The following XIRP2 variants were observed in gnomAD, a reference collection of about 807,000 sequenced individuals.
XIRP2 encodes the protein xin actin-binding repeat-containing protein 2.
A neutral mutation model predicts 277.0 loss-of-function variants in XIRP2; 236 were observed. The ratio of observed to expected loss-of-function variants is 0.85; its 90% CI spans 0.77 to 0.95. The LOEUF (loss-of-function observed/expected upper bound fraction) is 0.95, where lower values mean the gene tolerates loss of function less well. Among genes scored for constraint, XIRP2 ranks in the 40% least tolerant of loss-of-function variants. The probability of loss-of-function intolerance (pLI) is 0.00; values close to 1 mark genes in which losing one functional copy is unlikely to be tolerated. For synonymous variants in XIRP2, 1,490 were observed against 1,416.5 expected, an observed-to-expected ratio of 1.05 and a Z score of -1.17; for missense variants, 4,640 against 4,157.5, an observed-to-expected ratio of 1.12 and a Z score of -3.19.
chr2:167,040,169 G>A (rs1688624589), intron 2 of XIRP2, among the ~76,000 whole-genome samples: 1 of 151,550 alleles, frequency 6.6e-6, no homozygotes. Context: ...GAATATTTGA[G>A]GGAGCCAAGA....
intron 2 of XIRP2, among the ~76,000 whole-genome samples, chr2:167,119,024 A>G (rs1300430053): frequency 6.6e-6 from 1 of 152,206 alleles, no homozygotes; most frequent in Non-Finnish European, 1.5e-5. Flanking sequence ...AGATATGTTC[A>G]TTGATTTAAG....
intron 2 of XIRP2, among the ~76,000 whole-genome samples, chr2:167,132,511 T>TACAC (rs35636231): frequency 0.089 from 13,061 of 146,224 alleles, 600 homozygotes; most frequent in South Asian, 0.17. Context: ...TGCATGTGTA[T>TACAC]ACACACACAC....
In XIRP2 at chr2:167,029,380, T is replaced by G. The variant is rs150351185; in HGVS notation, c.409-106529T>G. ...TCTTATTATATTCAGATACGTTCCCTCAATACCTAGCTTATTGAGAGTTTT... is the reference window on the plus strand; with the variant it reads ...TCTTATTATATTCAGATACGTTCCCGCAATACCTAGCTTATTGAGAGTTTT... On this transcript the variant is annotated intron_variant, in intron 2 of 10. Coordinates refer to ENST00000409195, the MANE Select transcript of XIRP2 (RefSeq NM_152381.6). 8.6e-4 allele frequency among the ~76,000 whole-genome samples: 131 copies of G among 152,296 alleles called. 2 individuals carry two copies. In the East Asian group the frequency reaches 0.024, roughly 28 times the overall value.
At chr2:167,196,412 T>TGTGTG (rs1553498347) in intron 3 of XIRP2, among the ~76,000 whole-genome samples, 4 of 141,810 alleles carry the variant, frequency 2.8e-5, no homozygotes, top group Non-Finnish European at 4.6e-5. Context: ...GTCAAGAATT[T>TGTGTG]TGTGTGTGTG....
At chr2:166,918,012 C>T (rs1684936398) in intron 2 of XIRP2, among the ~76,000 whole-genome samples, 1 of 152,146 alleles carries the variant, frequency 6.6e-6, no homozygotes. Flanking sequence ...ATGAGCTTAT[C>T]TGATGTTTTT....
At chr2:167,150,150 T>TA (rs200821193) in intron 3 of XIRP2, among the ~76,000 whole-genome samples, 6 of 151,016 alleles carry the variant, frequency 4.0e-5, no homozygotes, top group South Asian at 2.1e-4. Flanking sequence ...GTTCATTCCT[T>TA]AAAAAAAAAT....
At chr2:167,211,019 A>G in intron 4 of XIRP2, 124 bp downstream of exon 4, 1 of 1,204,036 alleles carries the variant, frequency 8.3e-7, no homozygotes, top group Non-Finnish European at 1.1e-6. Flanking sequence ...GCACAAAAAT[A>G]GTGTGTGAAA....
chr2:167,019,832 G>GA (rs1280342199), intron 2 of XIRP2, among the ~76,000 whole-genome samples: 15 of 152,028 alleles, frequency 9.9e-5, no homozygotes, highest in African/African-American at 3.1e-4. Flanking sequence ...TACCCCATCT[G>GA]AAAAATTGTC....
Position 167,257,899 on chromosome 2 carries a change from A to C in XIRP2, c.*82A>C, listed in dbSNP as rs761444700. 6.2e-7 allele frequency: 1 copy of C among 1,610,282 alleles called. No homozygotes were observed. ...CACTTCATGGACAAATATACTGTAAACCTCACTTTAAACAACTTTTCAAAT... is the reference window on the plus strand; with the variant it reads ...CACTTCATGGACAAATATACTGTAACCCTCACTTTAAACAACTTTTCAAAT... On this transcript the variant is annotated 3_prime_UTR_variant, in exon 11 of 11. Transcript: ENST00000409195.
At chr2:167,085,686 A>G (rs1481866977) in intron 2 of XIRP2, among the ~76,000 whole-genome samples, 1 of 151,568 alleles carries the variant, frequency 6.6e-6, no homozygotes, top group Non-Finnish European at 1.5e-5. Context: ...TGATCCCTTT[A>G]CCATTATGTA....
At chr2:167,068,904 ATTC>A (rs552748245) in intron 2 of XIRP2, among the ~76,000 whole-genome samples, 141 of 152,260 alleles carry the variant, frequency 9.3e-4, no homozygotes, top group African/African-American at 3.1e-3. Context: ...GTCCAAGACA[ATTC>A]TTCTTCCAAT....
intron 2 of XIRP2, among the ~76,000 whole-genome samples, chr2:167,035,225 A>G (rs1459149334): frequency 6.6e-6 from 1 of 152,182 alleles, no homozygotes; most frequent in South Asian, 2.1e-4. Flanking sequence ...AAAATGTGGA[A>G]GCGACTTTGG....
chr2:166,893,054 A>G (rs1307570754), intron 1 of XIRP2, among the ~76,000 whole-genome samples: 1 of 151,282 alleles, frequency 6.6e-6, no homozygotes, highest in Non-Finnish European at 1.5e-5. Context: ...GATTCTAGAG[A>G]GGGTTTGCGT....
In XIRP2 at chr2:166,916,782, G is replaced by T. The variant is rs559973619; in HGVS notation, c.408+12892G>T. Among the ~76,000 whole-genome samples, 435 of 152,212 alleles carry T rather than the reference G, an allele frequency of 2.9e-3. 5 individuals carry two copies. The highest frequency in any genetic ancestry group is 0.01 in the African/African-American group (424 of 41,524). The stretch of plus-strand genomic sequence containing the variant: ...CTTAACATTTGATGACAAAAGTTCA[G>T]CTGGAAACCTTGGCTCAGCAACTTT... On this transcript the variant is annotated intron_variant, in intron 2 of 10. Transcript: ENST00000409195.
At chr2:166,902,380 G>A (rs562924319) in intron 1 of XIRP2, among the ~76,000 whole-genome samples, 5 of 152,042 alleles carry the variant, frequency 3.3e-5, no homozygotes, top group Admixed American at 6.6e-5. Flanking sequence ...TAATGTGGCT[G>A]GTAGTCAAAG....
At chr2:166,933,016 T>C (rs1685389366) in intron 2 of XIRP2, among the ~76,000 whole-genome samples, 1 of 152,140 alleles carries the variant, frequency 6.6e-6, no homozygotes, top group South Asian at 2.1e-4. Context: ...GTCTTGGCTG[T>C]ATTTATTCCT....
At chr2:166,914,016 A>G (rs1684791015) in intron 2 of XIRP2, among the ~76,000 whole-genome samples, 1 of 152,240 alleles carries the variant, frequency 6.6e-6, no homozygotes, top group Non-Finnish European at 1.5e-5. Context: ...ATGTTATCCA[A>G]CATGTCAAAA....
At chr2:166,913,532 C>T (rs1015013888) in intron 2 of XIRP2, among the ~76,000 whole-genome samples, 14 of 152,208 alleles carry the variant, frequency 9.2e-5, no homozygotes, top group Admixed American at 5.2e-4. Context: ...ATCTTGGAAC[C>T]GCCCCAGGTC....
chr2:166,995,765 T>A (rs999354466), intron 2 of XIRP2, among the ~76,000 whole-genome samples: 3 of 152,232 alleles, frequency 2.0e-5, no homozygotes, highest in African/African-American at 7.2e-5. Context: ...ATAAAATTTG[T>A]AGTAGGTGGA....
Sources: allele counts gnomAD v4.1 joint callset (sites outside exome capture counted in the v4.1 genomes callset), GRCh38; gene constraint gnomAD v4.1.1; transcripts MANE v1.5; gene names NCBI Gene and HGNC (gene_info 2026-07-23, HGNC 2026-07-21).